GRAMD2B: variants seen among roughly 807,000 people sequenced by gnomAD.
GRAMD2B encodes the protein GRAM domain containing 2B.
A neutral mutation model predicts 59.2 loss-of-function variants in GRAMD2B; 41 were observed. The ratio of observed to expected loss-of-function variants is 0.69; its 90% CI spans 0.54 to 0.90. GRAMD2B has a LOEUF of 0.90. Ranked by LOEUF, GRAMD2B falls within the 40% of genes least tolerant of loss-of-function variation. The pLI is 0.00. For missense variants in GRAMD2B, 424 were observed against 500.5 expected, an observed-to-expected ratio of 0.85 and a Z score of 1.46; for synonymous variants, 161 against 182.7, an observed-to-expected ratio of 0.88 and a Z score of 0.96.
intron 1 of GRAMD2B, among the ~76,000 whole-genome samples, chr5:126,442,578 G>A (rs1176482647): frequency 2.0e-5 from 3 of 151,852 alleles, no homozygotes; most frequent in African/African-American, 2.4e-5. Context: ...AGGCGTGAGC[G>A]ACCGCGCCTG....
intron 1 of GRAMD2B, among the ~76,000 whole-genome samples, chr5:126,400,379 TCA>T (rs974723676): frequency 3.0e-4 from 46 of 152,278 alleles, no homozygotes; most frequent in African/African-American, 1.1e-3. Context: ...GTTATTAATG[TCA>T]CAATTTATAT....
intron 1 of GRAMD2B, among the ~76,000 whole-genome samples, chr5:126,381,120 A>G (rs1041065571): frequency 6.6e-6 from 1 of 152,126 alleles, no homozygotes; most frequent in Non-Finnish European, 1.5e-5. Context: ...GCGATGCTAG[A>G]TTTTGTCAAA....
chr5:126,463,169 G>A (rs1443577511), intron 1 of GRAMD2B, among the ~76,000 whole-genome samples: 1 of 152,188 alleles, frequency 6.6e-6, no homozygotes, highest in African/African-American at 2.4e-5. Context: ...CCTTATCTCT[G>A]CCAGGAGCAC....
intron 1 of GRAMD2B, among the ~76,000 whole-genome samples, chr5:126,385,574 T>TG (rs1278716434): frequency 2.0e-5 from 3 of 152,252 alleles, no homozygotes; most frequent in African/African-American, 7.2e-5. Flanking sequence ...CATATCTTCA[T>TG]GCCTCTGCTA....
upstream of GRAMD2B, among the ~76,000 whole-genome samples, chr5:126,420,194 C>T (rs534415560): frequency 2.6e-5 from 4 of 151,452 alleles, no homozygotes; most frequent in South Asian, 6.2e-4. Flanking sequence ...CATCCTAAAA[C>T]ATATTTTAGG....
chr5:126,427,803 G>C (rs950249642), intron 1 of GRAMD2B, among the ~76,000 whole-genome samples: 1 of 152,166 alleles, frequency 6.6e-6, no homozygotes, highest in Non-Finnish European at 1.5e-5. Flanking sequence ...GAGAAATAAA[G>C]GCAAATAATT....
chr5:126,454,927 A>G (rs1766006663), intron 1 of GRAMD2B, among the ~76,000 whole-genome samples: 1 of 152,222 alleles, frequency 6.6e-6, no homozygotes, highest in African/African-American at 2.4e-5. Context: ...CCTGCTATCA[A>G]TATACATCTA....
In GRAMD2B at chr5:126,493,940, T is replaced by C. The variant is rs1774337099; in HGVS notation, c.*984T>C. 6.6e-6 allele frequency: 1 copy of C among 152,670 alleles called. No homozygotes were observed. Among genetic ancestry groups the C allele is most frequent in the African/African-American group, 2.4e-5 (1 of 41,468 alleles). The allele number at this position is 152,670 out of a possible 1,614,324, so 9.5% of individuals were successfully genotyped here. A position where few individuals can be genotyped will look rare whatever the true frequency, so the allele number is the denominator to read the frequency against. ...TACCATATGGGTTGGCTGGTTTTTA[T>C]TAATAATTGTTTAGGGTATCATAAG... is the stretch of plus-strand genomic sequence containing the variant. On this transcript the variant is annotated 3_prime_UTR_variant, in exon 14 of 14. Transcript: ENST00000285689.
intron 1 of GRAMD2B, among the ~76,000 whole-genome samples, chr5:126,378,092 A>T (rs1195661655): frequency 1.3e-5 from 2 of 152,206 alleles, no homozygotes; most frequent in African/African-American, 4.8e-5. Context: ...TATAAGGCAC[A>T]AACCCGAAGT....
chr5:126,361,608 C>T (rs189158555), intron 1 of GRAMD2B, among the ~76,000 whole-genome samples: 5 of 152,166 alleles, frequency 3.3e-5, no homozygotes, highest in African/African-American at 7.2e-5. Flanking sequence ...CTCTGCTCCT[C>T]ATCTTCCATT....
chr5:126,420,752 G>T (rs1759651730), upstream of GRAMD2B, among the ~76,000 whole-genome samples: 1 of 152,168 alleles, frequency 6.6e-6, no homozygotes, highest in Non-Finnish European at 1.5e-5. Context: ...CAAAAGAAAT[G>T]AAATCAGGGA....
At chr5:126,380,702 G>A (rs1422453273) in intron 1 of GRAMD2B, among the ~76,000 whole-genome samples, 4 of 152,090 alleles carry the variant, frequency 2.6e-5, no homozygotes, top group South Asian at 2.1e-4. Flanking sequence ...TTCTCAGCTT[G>A]GTCGCTGTTG....
intron 1 of GRAMD2B, among the ~76,000 whole-genome samples, chr5:126,429,887 T>C (rs1260662324): frequency 1.3e-5 from 2 of 152,218 alleles, no homozygotes; most frequent in African/African-American, 2.4e-5. Context: ...AAATATTGCT[T>C]ACTGATTTGG....
intron 5 of GRAMD2B, among the ~76,000 whole-genome samples, chr5:126,477,109 T>C (rs559585972): frequency 4.0e-4 from 61 of 152,340 alleles, no homozygotes; most frequent in African/African-American, 1.4e-3. Context: ...ATCCAAAATC[T>C]GAAATGCTCC....
At position 126,391,319 on chromosome 5, in the gene GRAMD2B, C is replaced by CAAAAAAAAAA. The variant is rs61181985; in HGVS notation, c.125+19764_125+19773dup. Among the ~76,000 whole-genome samples, 520 of 76,294 alleles carry CAAAAAAAAAA rather than the reference C, an allele frequency of 6.8e-3. 41 individuals are homozygous for CAAAAAAAAAA. Among genetic ancestry groups the CAAAAAAAAAA allele is most frequent in the African/African-American group, 0.024 (492 of 20,888 alleles). The allele number at this position is 76,294 out of a possible 152,430, so 50.1% of individuals were successfully genotyped here. A position where few individuals can be genotyped will look rare whatever the true frequency, so the allele number is the denominator to read the frequency against. The stretch of plus-strand genomic sequence containing the variant: ...TGGGCAAGAGAGGGAGACTCCATCT[C>CAAAAAAAAAA]AAAAAAAAAAAAAAAAAAAAACTTG... On this transcript the variant is annotated intron_variant, in intron 1 of 8. Coordinates refer to the GRAMD2B transcript ENST00000506445.
intron 1 of GRAMD2B, among the ~76,000 whole-genome samples, chr5:126,409,906 T>A (rs1758618345): frequency 6.6e-6 from 1 of 151,256 alleles, no homozygotes. Context: ...TTTCTACATA[T>A]GGCTAGCCAG....
At chr5:126,366,199 T>A (rs1317838145) in intron 1 of GRAMD2B, among the ~76,000 whole-genome samples, 5 of 152,010 alleles carry the variant, frequency 3.3e-5, no homozygotes, top group Non-Finnish European at 7.4e-5. Flanking sequence ...AATAAAGAAG[T>A]TTGAAGGAGA....
At chr5:126,438,754 G>C (rs1009619283) in intron 1 of GRAMD2B, among the ~76,000 whole-genome samples, 1 of 152,182 alleles carries the variant, frequency 6.6e-6, no homozygotes, top group Non-Finnish European at 1.5e-5. Context: ...GATTTTATCT[G>C]AGTGGGCATG....
At chr5:126,362,273 C>T (rs1180504594) in intron 1 of GRAMD2B, among the ~76,000 whole-genome samples, 8 of 152,162 alleles carry the variant, frequency 5.3e-5, no homozygotes, top group African/African-American at 1.9e-4. Flanking sequence ...CTACACTTCA[C>T]TGTTTTAAAA....
Sources: gnomAD v4.1 joint callset for allele counts (sites outside exome capture counted in the v4.1 genomes callset) on GRCh38, gnomAD v4.1.1 for gene constraint, MANE v1.5 for transcripts, NCBI Gene and HGNC (gene_info 2026-07-23, HGNC 2026-07-21) for gene names.